The following PTPRD variants were observed in gnomAD, a reference collection of about 807,000 sequenced individuals.
PTPRD encodes the protein protein tyrosine phosphatase receptor type D, also known as receptor-type tyrosine-protein phosphatase delta.
In PTPRD, 34 loss-of-function variants were observed where a neutral mutation model predicts 214.5. The ratio of observed to expected loss-of-function variants is 0.16; its 90% CI spans 0.12 to 0.21. PTPRD has a LOEUF of 0.21. PTPRD is among the 10% of genes least tolerant of loss of function. The pLI is 1.00. For missense variants in PTPRD, 2,545 were observed against 2,398.7 expected, an observed-to-expected ratio of 1.06 and a Z score of -1.27; for synonymous variants, 1,128 against 845.7, an observed-to-expected ratio of 1.33 and a Z score of -5.79.
chr9:10,130,685 T>G (rs2154257789), intron 3 of PTPRD, among the ~76,000 whole-genome samples: 1 of 152,216 alleles, frequency 6.6e-6, no homozygotes, highest in South Asian at 2.1e-4. Context: ...AAATCATTAC[T>G]GAATGACAGA....
intron 2 of PTPRD, among the ~76,000 whole-genome samples, chr9:10,466,865 A>T (rs967470191): frequency 1.2e-4 from 18 of 152,184 alleles, no homozygotes; most frequent in Admixed American, 5.2e-4. Flanking sequence ...CATAATTCAC[A>T]TAAGGCTTTA....
At chr9:10,246,377 G>A (rs1311994034) in intron 3 of PTPRD, among the ~76,000 whole-genome samples, 1 of 152,056 alleles carries the variant, frequency 6.6e-6, no homozygotes, top group African/African-American at 2.4e-5. Flanking sequence ...CCAAGTAGGT[G>A]GGATTACAGG....
intron 5 of PTPRD, among the ~76,000 whole-genome samples, chr9:9,925,996 T>A (rs117464269): frequency 2.0e-5 from 3 of 151,360 alleles, no homozygotes; most frequent in Non-Finnish European, 1.5e-5. Flanking sequence ...GCCTAGAAAA[T>A]TTTTTTTAAG....
intron 10 of PTPRD, among the ~76,000 whole-genome samples, chr9:9,153,857 G>C (rs954921911): frequency 1.3e-5 from 2 of 152,122 alleles, no homozygotes; most frequent in Admixed American, 1.3e-4. Context: ...GATATTTTAA[G>C]GGACCAGGAA....
chr9:9,871,642 T>G (rs1600417917), intron 5 of PTPRD, among the ~76,000 whole-genome samples: 2 of 150,870 alleles, frequency 1.3e-5, no homozygotes, highest in Admixed American at 1.3e-4. Flanking sequence ...CCTAACCTCC[T>G]TGGGCCCTAA....
intron 5 of PTPRD, among the ~76,000 whole-genome samples, chr9:9,894,376 TC>T (rs2074347790): frequency 6.6e-6 from 1 of 152,084 alleles, no homozygotes. Context: ...GTGTGATCTT[TC>T]TACTACCTCT....
intron 3 of PTPRD, among the ~76,000 whole-genome samples, chr9:10,065,854 T>C (rs1468164678): frequency 1.3e-5 from 2 of 151,956 alleles, no homozygotes; most frequent in African/African-American, 4.8e-5. Context: ...GGGAGTGGGC[T>C]GAGACAACTG....
chr9:8,774,606 C>G (rs559951249), intron 11 of PTPRD, among the ~76,000 whole-genome samples: 1 of 143,236 alleles, frequency 7.0e-6, no homozygotes, highest in African/African-American at 2.6e-5. Flanking sequence ...GCAATCTCGG[C>G]CCACTGCAAC....
intron 5 of PTPRD, among the ~76,000 whole-genome samples, chr9:9,894,627 A>C (rs2074423044): frequency 6.6e-6 from 1 of 152,030 alleles, no homozygotes; most frequent in Admixed American, 6.6e-5. Context: ...GTACTCCCAC[A>C]TCACACTGCA....
At chr9:9,681,396 T>C (rs1331234088) in intron 7 of PTPRD, among the ~76,000 whole-genome samples, 1 of 151,692 alleles carries the variant, frequency 6.6e-6, no homozygotes, top group Non-Finnish European at 1.5e-5. Context: ...TCTTTCATTA[T>C]CTCCTCTACT....
chr9:8,779,670 C>A (rs1447400526), intron 11 of PTPRD, among the ~76,000 whole-genome samples: 1 of 152,172 alleles, frequency 6.6e-6, no homozygotes, highest in Non-Finnish European at 1.5e-5. Context: ...TTCAAGCTTT[C>A]CTTTTAATCA....
intron 11 of PTPRD, among the ~76,000 whole-genome samples, chr9:9,001,821 A>G (rs1013070501): frequency 2.0e-5 from 3 of 152,022 alleles, no homozygotes; most frequent in East Asian, 3.9e-4. Context: ...TTTCCAGCTC[A>G]TGCCATCCTA....
At chr9:9,307,337 T>C (rs1957453450) in intron 9 of PTPRD, among the ~76,000 whole-genome samples, 1 of 152,196 alleles carries the variant, frequency 6.6e-6, no homozygotes, top group African/African-American at 2.4e-5. Context: ...TCTTTCAAGC[T>C]TAGAAAGTGA....
chr9:8,659,701 T>C (rs921600751), intron 12 of PTPRD, among the ~76,000 whole-genome samples: 29 of 152,306 alleles, frequency 1.9e-4, no homozygotes, highest in African/African-American at 6.7e-4. Context: ...AAAGCAAATA[T>C]GGGGCTGTTC....
At chr9:8,789,282 T>C (rs1034009048) in intron 11 of PTPRD, among the ~76,000 whole-genome samples, 1 of 152,148 alleles carries the variant, frequency 6.6e-6, no homozygotes, top group Non-Finnish European at 1.5e-5. Context: ...GAAGCCACCA[T>C]AGCTGATTGG....
At chr9:9,500,980 A>C (rs2096395154) in intron 8 of PTPRD, among the ~76,000 whole-genome samples, 1 of 152,146 alleles carries the variant, frequency 6.6e-6, no homozygotes, top group Middle Eastern at 3.4e-3. Context: ...TCCCTAGAGC[A>C]ACCATTAACA....
intron 2 of PTPRD, among the ~76,000 whole-genome samples, chr9:10,438,967 C>T (rs540707007): frequency 6.6e-6 from 1 of 151,636 alleles, no homozygotes; most frequent in Non-Finnish European, 1.5e-5. Context: ...TGTATCCACG[C>T]TTTTTGTTGT....
intron 14 of PTPRD, among the ~76,000 whole-genome samples, chr9:8,581,500 G>C (rs775353434): frequency 6.6e-6 from 1 of 152,176 alleles, no homozygotes; most frequent in African/African-American, 2.4e-5. Context: ...TGTAATCCCA[G>C]CACTTTGGGA....
chr9:9,973,275 C>T (rs920114756), intron 4 of PTPRD, among the ~76,000 whole-genome samples: 1 of 124,440 alleles, frequency 8.0e-6, no homozygotes, highest in Non-Finnish European at 1.6e-5. Context: ...CTAGCCTAAG[C>T]AACATAGTGG....
Sources: allele counts gnomAD v4.1 joint callset (sites outside exome capture counted in the v4.1 genomes callset), GRCh38; gene constraint gnomAD v4.1.1; transcripts MANE v1.5; gene names NCBI Gene and HGNC (gene_info 2026-07-23, HGNC 2026-07-21).